Variants in UBE2O observed in about 807,000 individuals in gnomAD.
The protein encoded by UBE2O is ubiquitin conjugating enzyme E2 O.
UBE2O carries 15 observed loss-of-function variants against 125.8 expected under a neutral mutation model. The ratio of observed to expected loss-of-function variants is 0.12; its 90% CI spans 0.08 to 0.18. UBE2O has a LOEUF of 0.18. Ranked by LOEUF, UBE2O falls within the 10% of genes least tolerant of loss-of-function variation. UBE2O has a pLI of 1.00. For synonymous variants in UBE2O, 708 were observed against 703.2 expected, an observed-to-expected ratio of 1.01 and a Z score of -0.11; for missense variants, 1,280 against 1,723.6, an observed-to-expected ratio of 0.74 and a Z score of 4.56.
At chr17:76,424,790 C>T (rs1345036261) in intron 1 of UBE2O, among the ~76,000 whole-genome samples, 2 of 151,706 alleles carry the variant, frequency 1.3e-5, no homozygotes, top group African/African-American at 2.4e-5. Context: ...TGCACTCCAG[C>T]CCGGGCAACA....
At chr17:76,430,103 T>G (rs1205230620) in intron 1 of UBE2O, among the ~76,000 whole-genome samples, 1 of 152,162 alleles carries the variant, frequency 6.6e-6, no homozygotes, top group Non-Finnish European at 1.5e-5. Flanking sequence ...GTGCTTTTCC[T>G]TGGTGTTTTT....
At chr17:76,426,068 T>C (rs1411495268) in intron 1 of UBE2O, among the ~76,000 whole-genome samples, 3 of 152,174 alleles carry the variant, frequency 2.0e-5, no homozygotes. Context: ...AGTGGTGTGA[T>C]CATGGTTCAC....
chr17:76,443,172 A>G (rs545480762), intron 1 of UBE2O, among the ~76,000 whole-genome samples: 1 of 152,324 alleles, frequency 6.6e-6, no homozygotes, highest in Non-Finnish European at 1.5e-5. Context: ...CTGACTCATA[A>G]TGGTTGGGGG....
chr17:76,432,354 T>C (rs1037189742), intron 1 of UBE2O, among the ~76,000 whole-genome samples: 5 of 152,166 alleles, frequency 3.3e-5, no homozygotes, highest in Non-Finnish European at 7.3e-5. Context: ...TGAGAGAGAC[T>C]CAAAAGAAAT....
intron 1 of UBE2O, among the ~76,000 whole-genome samples, chr17:76,440,291 G>A (rs1449125302): frequency 6.6e-6 from 1 of 152,114 alleles, no homozygotes; most frequent in Non-Finnish European, 1.5e-5. Flanking sequence ...AATACATTGG[G>A]TTAAGTAAAA....
Position 76,400,000 on chromosome 17 carries a change from G to T in UBE2O, c.1156-79C>A. 1 of 1,527,940 alleles carries T rather than the reference G, an allele frequency of 6.5e-7. No individual in the cohort carries two copies. Among genetic ancestry groups the T allele is most frequent in the Non-Finnish European group, 8.8e-7 (1 of 1,130,860 alleles). 94.6% of individuals were successfully genotyped at this position (1,527,940 alleles called of 1,614,324 possible). The stretch of plus-strand genomic sequence containing the variant: ...GGCCCTAGGCATCTCAGGCTGGGGG[G>T]ATGACAGCTGTATACACCTGAGTAG... On this transcript the variant is annotated intron_variant, in intron 8 of 17. Coordinates refer to ENST00000319380, the MANE Select transcript of UBE2O (RefSeq NM_022066.4). This position sits in a 1 kb window ranked among gnomAD's most constrained non-coding sequence, Gnocchi z 6.9.
At chr17:76,413,126 T>C (rs1159746680) in intron 1 of UBE2O, among the ~76,000 whole-genome samples, 1 of 152,240 alleles carries the variant, frequency 6.6e-6, no homozygotes, top group Non-Finnish European at 1.5e-5. Flanking sequence ...GATTCCTATA[T>C]ATTCAAGGCT....
chr17:76,430,606 T>C, intron 1 of UBE2O: 1 of 328,686 alleles, frequency 3.0e-6, no homozygotes, highest in South Asian at 2.5e-5. Context: ...GACTGATCAA[T>C]CAAAGTGTTA....
Position 76,395,165 on chromosome 17 carries a change from C to T in UBE2O, c.2946+560G>A, listed in dbSNP as rs1161140850. ...TGCTGGGATTACAGTCGTGAGCCAC[C>T]GCACCCGGCCTATTTCAAAGTAATT... is the stretch of plus-strand genomic sequence containing the variant. On this transcript the variant is annotated intron_variant, in intron 15 of 17. Transcript: ENST00000319380. This position sits in a 1 kb window ranked among gnomAD's most constrained non-coding sequence, Gnocchi z 5.0. Among the ~76,000 whole-genome samples the T allele has an allele frequency of 1.3e-5, 2 of 149,956 alleles. No individual in the cohort carries two copies. Among genetic ancestry groups the T allele is most frequent in the South Asian group, 2.1e-4 (1 of 4,744 alleles).
In UBE2O at chr17:76,390,672, T is replaced by C; in HGVS notation, c.*271A>G. On this transcript the variant is annotated 3_prime_UTR_variant, in exon 18 of 18. Transcript: ENST00000319380. ...GCAGCAAGGGAGCAAGTGCCGGACA[T>C]TCTGCTGGGGTGACAAATGGAAAAT... The C allele has an allele frequency of 2.8e-6, 1 of 355,336 alleles. No homozygotes were observed. 22.0% of individuals were successfully genotyped at this position (355,336 alleles called of 1,614,324 possible).
intron 1 of UBE2O, among the ~76,000 whole-genome samples, chr17:76,434,244 C>T (rs997002226): frequency 2.0e-5 from 3 of 152,176 alleles, no homozygotes; most frequent in African/African-American, 7.2e-5. Context: ...ACCCAGCACA[C>T]AGTCCTATCT....
intron 1 of UBE2O, among the ~76,000 whole-genome samples, chr17:76,415,050 T>C (rs1598600419): frequency 6.6e-6 from 1 of 152,162 alleles, no homozygotes; most frequent in South Asian, 2.1e-4. Flanking sequence ...TGGGTATCAC[T>C]ACCTAACCAG....
chr17:76,428,218 C>G (rs888338838), intron 1 of UBE2O, among the ~76,000 whole-genome samples: 3 of 152,154 alleles, frequency 2.0e-5, no homozygotes, highest in Admixed American at 2.0e-4. Flanking sequence ...CCCGTTTTTG[C>G]TCTTCGGAAG....
Position 76,400,977 on chromosome 17 carries a change from G to C in UBE2O, c.894+34C>G. Reference sequence around the variant, plus strand: ...CTCAGCTCCAGGGTGTGGAGGTCAAGGACTCCATCTCCTACCCTTGGGCCC... The same window carrying C: ...CTCAGCTCCAGGGTGTGGAGGTCAACGACTCCATCTCCTACCCTTGGGCCC... On this transcript the variant is annotated intron_variant, in intron 6 of 17. Coordinates refer to ENST00000319380, the MANE Select transcript of UBE2O (RefSeq NM_022066.4). The surrounding 1 kb of genome is among the most constrained non-coding windows in gnomAD (Gnocchi z 4.3). 1 of 1,611,050 alleles carries C rather than the reference G, an allele frequency of 6.2e-7. No individual in the cohort carries two copies. The highest frequency in any genetic ancestry group is 8.5e-7 in the Non-Finnish European group (1 of 1,178,748).
chr17:76,449,748 G>A (rs1353802550), intron 1 of UBE2O, among the ~76,000 whole-genome samples: 1 of 151,334 alleles, frequency 6.6e-6, no homozygotes, highest in South Asian at 2.1e-4. Flanking sequence ...GAGAAACCCC[G>A]TCTCCACTAA....
At position 76,395,578 on chromosome 17, in the gene UBE2O, T is replaced by G; in HGVS notation, c.2946+147A>C. On this transcript the variant is annotated intron_variant, in intron 15 of 17. Transcript: ENST00000319380. This position sits in a 1 kb window ranked among gnomAD's most constrained non-coding sequence, Gnocchi z 5.0. Reference sequence around the variant, plus strand: ...GAGTCAGCCCTCACCTGACTGAGCCTGTGACCGCCCCTGTAAAAGGTGGGT... The same window carrying G: ...GAGTCAGCCCTCACCTGACTGAGCCGGTGACCGCCCCTGTAAAAGGTGGGT... 1 of 911,458 alleles carries G rather than the reference T, an allele frequency of 1.1e-6. No individual in the cohort carries two copies. Among genetic ancestry groups the G allele is most frequent in the Non-Finnish European group, 1.7e-6 (1 of 604,766 alleles). The allele number at this position is 911,458 out of a possible 1,614,324, so 56.5% of individuals were successfully genotyped here. A position where few individuals can be genotyped will look rare whatever the true frequency, so the allele number is the denominator to read the frequency against.
In UBE2O at chr17:76,396,080, G is replaced by GC. The variant is rs1336831180; in HGVS notation, c.2809+47dup. 20 of 1,582,516 alleles carry GC rather than the reference G, an allele frequency of 1.3e-5. No homozygotes were observed. The Middle Eastern group carries it at 5.0e-4, about 40-fold the overall frequency. On this transcript the variant is annotated intron_variant, in intron 14 of 17. Transcript: ENST00000319380. The surrounding 1 kb of genome is among the most constrained non-coding windows in gnomAD (Gnocchi z 6.7). ...CCCAGATCTGGTGACACAAACAGGA[G>GC]CCCCGAGAAGGCGGGGGAAGGCGAA... is the stretch of plus-strand genomic sequence containing the variant.
At chr17:76,424,358 G>A (rs1041452015) in intron 1 of UBE2O, among the ~76,000 whole-genome samples, 3 of 151,374 alleles carry the variant, frequency 2.0e-5, no homozygotes, top group African/African-American at 7.3e-5. Context: ...ACAAGTGTGA[G>A]CCACCACACT....
chr17:76,432,298 A>C (rs1183494424), intron 1 of UBE2O, among the ~76,000 whole-genome samples: 1 of 152,210 alleles, frequency 6.6e-6, no homozygotes, highest in Non-Finnish European at 1.5e-5. Context: ...GTCAATCCAC[A>C]AATATTTCAT....
Sources: allele counts gnomAD v4.1 joint callset (sites outside exome capture counted in the v4.1 genomes callset), GRCh38; gene constraint gnomAD v4.1.1; non-coding constraint Gnocchi (gnomAD v3.1); transcripts MANE v1.5; gene names NCBI Gene and HGNC (gene_info 2026-07-23, HGNC 2026-07-21).